Variants in ANO2 observed in about 807,000 individuals in gnomAD.
ANO2 encodes anoctamin-2.
ANO2 carries 101 observed loss-of-function variants against 124.2 expected under a neutral mutation model. The observed-to-expected ratio is 0.81, with a 90% CI of 0.69 to 0.96. The LOEUF (loss-of-function observed/expected upper bound fraction) is 0.96, where lower values mean the gene tolerates loss of function less well. Ranked by LOEUF, ANO2 falls within the 40% of genes least tolerant of loss-of-function variation. The pLI is 0.00. For missense variants in ANO2, 1,293 were observed against 1,274.5 expected (o/e 1.01, Z -0.22); for synonymous variants, 486 against 482.5 (o/e 1.01, Z -0.09).
chr12:5,943,621 T>C lies in ANO2; in HGVS notation c.22+1575A>G, dbSNP rs867815358. Among the ~76,000 whole-genome samples, 9 of 152,260 alleles carry C rather than the reference T, an allele frequency of 5.9e-5. No homozygotes were observed. The South Asian group carries it at 1.0e-3, about 18-fold the overall frequency. On this transcript the variant is annotated intron_variant, in intron 1 of 24. Transcript: ENST00000682330. Reference sequence around the variant, plus strand: ...AATTCACCACCAAAGAACTTACCCATGTAACCAAAAGCAAAACCCCGTACC... The same window carrying C: ...AATTCACCACCAAAGAACTTACCCACGTAACCAAAAGCAAAACCCCGTACC...
chr12:5,884,054 T>C (rs1938708285), intron 3 of ANO2, among the ~76,000 whole-genome samples: 1 of 152,026 alleles, frequency 6.6e-6, no homozygotes, highest in South Asian at 2.1e-4. Context: ...AATAACAGAG[T>C]TGGGAAACCT....
In ANO2 at chr12:5,798,751, A is replaced by C. The variant is rs1052425206; in HGVS notation, c.1055+756T>G. Among the ~76,000 whole-genome samples the C allele has an allele frequency of 2.0e-5, 3 of 152,352 alleles. No homozygotes were observed. The South Asian group carries it at 6.2e-4, about 32-fold the overall frequency. On this transcript the variant is annotated intron_variant, in intron 10 of 24. Transcript: ENST00000682330. ...GAGGAATTGGGGCTTGCCCAAAGAA[A>C]TGGTAGCACTTAGTGGCCAGGCCCA...
At chr12:5,887,226 T>C (rs1460067834) in intron 3 of ANO2, among the ~76,000 whole-genome samples, 4 of 152,056 alleles carry the variant, frequency 2.6e-5, no homozygotes, top group Non-Finnish European at 5.9e-5. Flanking sequence ...AATCCACACA[T>C]AAAGAGGAGA....
intron 10 of ANO2, among the ~76,000 whole-genome samples, chr12:5,771,983 CA>C (rs1348707327): frequency 6.6e-6 from 1 of 152,172 alleles, no homozygotes; most frequent in East Asian, 1.9e-4. Flanking sequence ...ATTAGAGACA[CA>C]TGTTCATGCC....
At chr12:5,896,795 T>C (rs935432252) in intron 3 of ANO2, among the ~76,000 whole-genome samples, 10 of 152,174 alleles carry the variant, frequency 6.6e-5, no homozygotes, top group Admixed American at 2.0e-4. Flanking sequence ...GGGATCTGAG[T>C]GCACAGAGAA....
At chr12:5,629,116 ACAATGAACC>A (rs1294452409) in intron 16 of ANO2, among the ~76,000 whole-genome samples, 1 of 152,192 alleles carries the variant, frequency 6.6e-6, no homozygotes, top group East Asian at 1.9e-4. Context: ...TCAAGCAACT[ACAATGAACC>A]CAACCCTGTG....
chr12:5,626,741 G>C (rs1056521095), intron 16 of ANO2, among the ~76,000 whole-genome samples: 6 of 152,192 alleles, frequency 3.9e-5, no homozygotes, highest in Admixed American at 1.3e-4. Flanking sequence ...AACCAAGAGG[G>C]AGAATTCATC....
chr12:5,583,448 T>C (rs1211854709), intron 20 of ANO2, among the ~76,000 whole-genome samples: 2 of 151,734 alleles, frequency 1.3e-5, no homozygotes, highest in Admixed American at 6.6e-5. Context: ...GGTCAGGAGA[T>C]CGAGACCATC....
chr12:5,856,929 A>G (rs942797640), intron 3 of ANO2, among the ~76,000 whole-genome samples: 18 of 152,252 alleles, frequency 1.2e-4, no homozygotes, highest in Admixed American at 3.9e-4. Flanking sequence ...GAACTTGTTT[A>G]AAATGAAAAC....
chr12:5,922,589 T>TGGCCCCCC, intron 2 of ANO2, 31 bp downstream of exon 2: 1 of 1,449,812 alleles, frequency 6.9e-7, no homozygotes, highest in African/African-American at 1.5e-5. Context: ...GGCTGGCCTA[T>TGGCCCCCC]CCCCCCACCC....
rs767188403 is a variant in ANO2, at chr12:5,563,269, C to T, written c.*30G>A. ...ACGTGCATGTGCGTGTCTCTGCTGC[C>T]GTGCCCTCCTCTGCTGCAGGCTGAA... is the stretch of plus-strand genomic sequence containing the variant. On this transcript the variant is annotated 3_prime_UTR_variant, in exon 25 of 25. Coordinates refer to ENST00000682330, the MANE Select transcript of ANO2 (RefSeq NM_001364791.2). The T allele has an allele frequency of 2.4e-5, 38 of 1,578,200 alleles. No individual in the cohort carries two copies. In the Middle Eastern group the frequency reaches 6.7e-4, roughly 28 times the overall value.
chr12:5,940,082 G>GATGT (rs781621857), intron 1 of ANO2, among the ~76,000 whole-genome samples: 2 of 125,122 alleles, frequency 1.6e-5, no homozygotes, highest in Non-Finnish European at 3.3e-5. Context: ...TGGATGGATG[G>GATGT]ATGGATGGAT....
Position 5,614,720 on chromosome 12 carries a change from C to T in ANO2, c.1928+466G>A, listed in dbSNP as rs540435554. Among the ~76,000 whole-genome samples the T allele has an allele frequency of 1.2e-4, 19 of 152,282 alleles. No individual in the cohort carries two copies. The South Asian group carries it at 3.9e-3, about 32-fold the overall frequency. ...AGTAATGAGAGCTCTGGAATTATAG[C>T]CAGTGGGTCATAACTGCCGGTGGCC... On this transcript the variant is annotated intron_variant, in intron 17 of 24. Transcript: ENST00000682330.
At chr12:5,938,502 C>T (rs778188230) in intron 1 of ANO2, among the ~76,000 whole-genome samples, 12 of 152,196 alleles carry the variant, frequency 7.9e-5, no homozygotes, top group Non-Finnish European at 1.6e-4. Flanking sequence ...AGCCACTGCA[C>T]CCAGTCTATT....
chr12:5,774,223 G>A (rs548344154), intron 10 of ANO2, among the ~76,000 whole-genome samples: 85 of 152,320 alleles, frequency 5.6e-4, no homozygotes, highest in African/African-American at 2.0e-3. Context: ...GGGAGGGCAA[G>A]GTGGGCGGAT....
In ANO2 at chr12:5,894,589, G is replaced by A. The variant is rs561109699; in HGVS notation, c.534+26451C>T. 6.6e-5 allele frequency among the ~76,000 whole-genome samples: 10 copies of A among 152,272 alleles called. No individual in the cohort carries two copies. In the South Asian group the frequency reaches 1.9e-3, roughly 28 times the overall value. Reference sequence around the variant, plus strand: ...CCATGCCTATGTCCTGAATGGTATTGCCTAGGTTTTCTTCTAGGGTTTTTA... The same window carrying A: ...CCATGCCTATGTCCTGAATGGTATTACCTAGGTTTTCTTCTAGGGTTTTTA... On this transcript the variant is annotated intron_variant, in intron 3 of 24. Transcript: ENST00000682330.
intron 16 of ANO2, among the ~76,000 whole-genome samples, chr12:5,632,475 G>GAGAACAAA (rs1201185326): frequency 4.9e-4 from 75 of 152,026 alleles, no homozygotes; most frequent in Non-Finnish European, 3.2e-4. Flanking sequence ...CACTCTCAGA[G>GAGAACAAA]AGAACAAAAT....
At chr12:5,911,983 C>CA (rs1422645835) in intron 3 of ANO2, among the ~76,000 whole-genome samples, 2 of 152,220 alleles carry the variant, frequency 1.3e-5, no homozygotes, top group Non-Finnish European at 2.9e-5. Flanking sequence ...AAACCCTTGA[C>CA]AAGGACAACC....
In ANO2 at chr12:5,577,878, G is replaced by T; in HGVS notation, c.2439+77C>A. ...AAAAGGCTGGGAGGTGCAAGGGCTG[G>T]CTTCCCACTTTGAAGACCTCAGCTT... On this transcript the variant is annotated intron_variant, in intron 22 of 24. Coordinates refer to ENST00000682330, the MANE Select transcript of ANO2 (RefSeq NM_001364791.2). The T allele has an allele frequency of 3.4e-6, 5 of 1,456,704 alleles. No individual in the cohort carries two copies. The South Asian group carries it at 6.1e-5, about 18-fold the overall frequency. 90.2% of individuals were successfully genotyped at this position (1,456,704 alleles called of 1,614,324 possible).
Sources: allele counts gnomAD v4.1 joint callset (sites outside exome capture counted in the v4.1 genomes callset), GRCh38; gene constraint gnomAD v4.1.1; transcripts MANE v1.5; gene names NCBI Gene and HGNC (gene_info 2026-07-23, HGNC 2026-07-21).